Variants in SEC31A observed in about 807,000 individuals in gnomAD.
The protein encoded by SEC31A is protein transport protein Sec31A.
In SEC31A, 70 loss-of-function variants were observed where a neutral mutation model predicts 151.0. The ratio of observed to expected loss-of-function variants is 0.46; its 90% CI spans 0.38 to 0.57. The LOEUF (loss-of-function observed/expected upper bound fraction) is 0.57, where lower values mean the gene tolerates loss of function less well. SEC31A is among the 20% of genes least tolerant of loss of function. The pLI, the probability that SEC31A is intolerant of heterozygous loss-of-function variation, is 0.00. For synonymous variants in SEC31A, 475 were observed against 505.9 expected (o/e 0.94, Z 0.82); for missense variants, 1,330 against 1,471.2 (o/e 0.90, Z 1.57).
intron 19 of SEC31A, 58 bp from the exon 20 acceptor site, chr4:82,849,035 A>G: frequency 6.9e-7 from 1 of 1,453,140 alleles, no homozygotes; most frequent in East Asian, 2.3e-5. Flanking sequence ...ATATGACAGC[A>G]TGTTAATTTT....
At chr4:82,827,860 CTTT>C (rs1724962062) in intron 23 of SEC31A, among the ~76,000 whole-genome samples, 1 of 151,078 alleles carries the variant, frequency 6.6e-6, no homozygotes, top group African/African-American at 2.4e-5. Flanking sequence ...ACCTGGACTT[CTTT>C]GTCTCCCTTT....
chr4:82,875,686 G>T, intron 5 of SEC31A, 41 bp downstream of exon 5: 1 of 1,189,098 alleles, frequency 8.4e-7, no homozygotes, highest in Non-Finnish European at 1.2e-6. Flanking sequence ...AACTACTTTT[G>T]GCTTTTTTGA....
intron 3 of SEC31A, among the ~76,000 whole-genome samples, chr4:82,880,019 G>C (rs528765474): frequency 6.6e-6 from 1 of 151,964 alleles, no homozygotes; most frequent in African/African-American, 2.4e-5. Flanking sequence ...ATAGAAAAAA[G>C]AACTCTATAC....
In SEC31A at chr4:82,864,215, C is replaced by T. The variant is rs192035806; in HGVS notation, c.1434+147G>A. The T allele has an allele frequency of 2.6e-5, 16 of 622,618 alleles. No homozygotes were observed. In the Admixed American group the frequency reaches 4.5e-4, roughly 17 times the overall value. 38.6% of individuals were successfully genotyped at this position (622,618 alleles called of 1,614,324 possible). On this transcript the variant is annotated intron_variant, in intron 11 of 26. Transcript: ENST00000395310. ...CTCTGGACATAAGTTAGGTTGTATG[C>T]TCTTTATAAGGCTTCTTAATTTCAT...
intron 3 of SEC31A, among the ~76,000 whole-genome samples, chr4:82,896,414 C>T (rs977857205): frequency 2.6e-5 from 4 of 151,990 alleles, no homozygotes; most frequent in South Asian, 4.2e-4. Flanking sequence ...GACGGAGTTT[C>T]GCCATGTTGG....
chr4:82,827,382 C>T lies in SEC31A; in HGVS notation c.3278G>A (p.Gly1093Glu), dbSNP rs1196470878. The T allele has an allele frequency of 6.2e-7, 1 of 1,613,886 alleles. No homozygotes were observed. Among genetic ancestry groups the T allele is most frequent in the African/African-American group, 1.3e-5 (1 of 74,930 alleles). The change falls in exon 24 of 27, where the codon GGA (glycine) becomes GAA (glutamate). Residue 1093 changes from glycine to glutamate, a missense_variant. By Grantham distance (98) the Gly-to-Glu change is moderately conservative. Coordinates refer to ENST00000395310, the MANE Select transcript of SEC31A (RefSeq NM_001077207.4). ...NIEGAPGAPI[G>E]NTFQHVQSLP... ...ATTTACTGTTACCTGGAAGGTATTT[C>T]CAATAGGAGCCCCTGGGGCACCTTC...
At chr4:82,859,489 C>G (rs1733565350) in intron 14 of SEC31A, among the ~76,000 whole-genome samples, 1 of 151,978 alleles carries the variant, frequency 6.6e-6, no homozygotes, top group African/African-American at 2.4e-5. Flanking sequence ...GATGAAATAT[C>G]TGTCTTCTGT....
intron 5 of SEC31A, among the ~76,000 whole-genome samples, chr4:82,875,038 T>C (rs1737598374): frequency 6.6e-6 from 1 of 152,244 alleles, no homozygotes; most frequent in Admixed American, 6.5e-5. Context: ...TTTCTTTACT[T>C]TGCAACTGCT....
chr4:82,853,076 G>A (rs1731804551), intron 18 of SEC31A, among the ~76,000 whole-genome samples: 1 of 152,200 alleles, frequency 6.6e-6, no homozygotes, highest in Non-Finnish European at 1.5e-5. Context: ...GTGAGTCCAG[G>A]TTCCTAAGAG....
chr4:82,861,546 T>C (rs570832335), intron 14 of SEC31A, 85 bp downstream of exon 14: 2 of 782,776 alleles, frequency 2.6e-6, no homozygotes, highest in South Asian at 3.4e-5. Context: ...TTGCCATAAG[T>C]AGTCAAGAAA....
chr4:82,839,998 T>C (rs1264259577), intron 22 of SEC31A, among the ~76,000 whole-genome samples: 1 of 151,382 alleles, frequency 6.6e-6, no homozygotes, highest in East Asian at 1.9e-4. Flanking sequence ...ATGATGATAG[T>C]TTTCTATCAT....
chr4:82,881,883 C>T lies in SEC31A; in HGVS notation c.54G>A (p.Gln18=). 1 of 1,614,124 alleles carries T rather than the reference C, an allele frequency of 6.2e-7. No homozygotes were observed. The highest frequency in any genetic ancestry group is 8.5e-7 in the Non-Finnish European group (1 of 1,179,964). ...CTGTTGCTAGGTAAATGGGGTGATT[C>T]TGGGCAGGGCTCCATGCCTGCATGG... The part of the protein sequence containing the change: ...RTAMQAWSPA[Q]NHPIYLATGT... The change falls in exon 2 of 27, where the codon CAG becomes CAA. Residue 18 remains glutamine (Q), a synonymous_variant. Transcript: ENST00000395310.
chr4:82,871,350 T>G (rs2125681135), intron 7 of SEC31A: 1 of 1,517,050 alleles, frequency 6.6e-7, no homozygotes, highest in South Asian at 1.2e-5. Context: ...GTAACGTAGG[T>G]ACAGTAAAAT....
In SEC31A at chr4:82,871,956, T is replaced by A; in HGVS notation, c.770A>T (p.Glu257Val). 6.2e-7 allele frequency: 1 copy of A among 1,614,160 alleles called. No individual in the cohort carries two copies. The highest frequency in any genetic ancestry group is 1.6e-4 in the Middle Eastern group (1 of 6,062). ...RFASSPLRVL[E>V]NHARGILAIA... Reference sequence around the variant, plus strand: ...AGCAGCACGATACCTGGCATGGTTTTCCAGGACACGAAGTGGAGAGGAAGC... The same window carrying A: ...AGCAGCACGATACCTGGCATGGTTTACCAGGACACGAAGTGGAGAGGAAGC... The change falls in exon 7 of 27, where the codon GAA (glutamate) becomes GTA (valine). Residue 257 changes from glutamate to valine, a missense_variant. By Grantham distance (121) the Glu-to-Val change is moderately radical. Transcript: ENST00000395310.
In SEC31A at chr4:82,842,239, C is replaced by T. The variant is rs773198066; in HGVS notation, c.2869G>A (p.Gly957Arg). Residue 957 changes from glycine (G) to arginine (R), a missense_variant, in exon 22 of 27, where the codon GGA (glycine) becomes AGA (arginine). Gly to Arg is a moderately radical substitution (Grantham distance 125). Transcript: ENST00000395310. ...GAAGATGATGGTGGAGCTCCTGGTC[C>T]GCCATGCTGGAAGGATGCTCCAGAG... ...PSSGASFQHG[G>R]PGAPPSSSAY... is the part of the protein sequence containing the mutation. 114 of 1,613,332 alleles carry T rather than the reference C, an allele frequency of 7.1e-5. 1 individual carries two copies. In the Admixed American group the frequency reaches 1.7e-3, roughly 24 times the overall value.
intron 4 of SEC31A, 92 bp from the exon 5 acceptor site, chr4:82,875,914 G>A: frequency 1.7e-6 from 1 of 573,164 alleles, no homozygotes; most frequent in Non-Finnish European, 3.0e-6. Context: ...ATTAGATGTA[G>A]CATACACAAT....
chr4:82,876,885 A>T (rs1738092646), intron 4 of SEC31A, among the ~76,000 whole-genome samples: 1 of 152,238 alleles, frequency 6.6e-6, no homozygotes, highest in South Asian at 2.1e-4. Context: ...TTTATTAAAA[A>T]TCATCAGCTG....
rs1460878478 is a variant in SEC31A at position 82,869,351 on chromosome 4, C to T, written c.882+974G>A. The stretch of plus-strand genomic sequence containing the variant: ...TTCATCGTGTTAGCCAGGATGGTCT[C>T]GATCTCCTGACCTCGTGCTCTGCCC... On this transcript the variant is annotated intron_variant, in intron 8 of 26. Transcript: ENST00000395310. Among the ~76,000 whole-genome samples, 7 of 150,322 alleles carry T rather than the reference C, an allele frequency of 4.7e-5. No individual in the cohort carries two copies. The East Asian group carries it at 1.4e-3, about 30-fold the overall frequency.
rs1429032148 is a variant in SEC31A, at chr4:82,848,977, G to C, written c.2329C>G (p.Pro777Ala). ...LAFLPDNTNQPNIMQLRDRLC... is the reference protein window; with the variant it reads ...LAFLPDNTNQANIMQLRDRLC... ...CTGTCACGAAGCTGCATGATATTTG[G>C]CTAAAAAGGATTGGAAAAACAGCAG... The change falls in exon 20 of 27, where the codon CCA becomes GCA. Residue 777 changes from proline (P) to alanine (A), a missense_variant and splice_region_variant. Coordinates refer to ENST00000395310, the MANE Select transcript of SEC31A (RefSeq NM_001077207.4). 5.0e-6 allele frequency: 8 copies of C among 1,611,346 alleles called. No individual in the cohort carries two copies. The highest frequency in any genetic ancestry group is 6.8e-6 in the Non-Finnish European group (8 of 1,178,978).
Sources: allele counts gnomAD v4.1 joint callset (sites outside exome capture counted in the v4.1 genomes callset), GRCh38; gene constraint gnomAD v4.1.1; transcripts MANE v1.5; gene names NCBI Gene and HGNC (gene_info 2026-07-23, HGNC 2026-07-21).